TAB2: variants seen among roughly 807,000 people sequenced by gnomAD.
The protein encoded by TAB2 is TGF-beta activated kinase 1 (MAP3K7) binding protein 2.
Under a neutral mutation model 65.0 loss-of-function variants are expected in TAB2, and 3 were observed. The observed-to-expected ratio is 0.05, with a 90% confidence interval of 0.02 to 0.12. The LOEUF (loss-of-function observed/expected upper bound fraction) is 0.12, where lower values mean the gene tolerates loss of function less well. Ranked by LOEUF, TAB2 falls within the 10% of genes least tolerant of loss-of-function variation. The pLI is 1.00. For synonymous variants in TAB2, 298 were observed against 285.1 expected, an observed-to-expected ratio of 1.05 and a Z score of -0.46; for missense variants, 623 against 840.3, an observed-to-expected ratio of 0.74 and a Z score of 3.20.
intron 1 of TAB2, among the ~76,000 whole-genome samples, chr6:149,310,198 T>C (rs1779144984): frequency 1.3e-5 from 2 of 152,058 alleles, no homozygotes; most frequent in South Asian, 4.1e-4. Context: ...TAGCCAGGCC[T>C]GATAGCATGC....
chr6:149,312,603 T>G (rs1779184181), intron 1 of TAB2, among the ~76,000 whole-genome samples: 1 of 152,216 alleles, frequency 6.6e-6, no homozygotes, highest in Non-Finnish European at 1.5e-5. Flanking sequence ...CCTTAAGTGA[T>G]CCACCTGCCT....
chr6:149,404,409 T>G (rs1782591446), intron 6 of TAB2, among the ~76,000 whole-genome samples: 1 of 152,132 alleles, frequency 6.6e-6, no homozygotes, highest in South Asian at 2.1e-4. Context: ...AAAATACCAG[T>G]GACATCCTTT....
chr6:149,260,462 A>G (rs887592607), intron 1 of TAB2, among the ~76,000 whole-genome samples: 2 of 152,168 alleles, frequency 1.3e-5, no homozygotes, highest in African/African-American at 2.4e-5. Context: ...ATCACTCCTT[A>G]TACGTATTGC....
intron 1 of TAB2, among the ~76,000 whole-genome samples, chr6:149,222,995 C>T (rs1777185391): frequency 6.6e-6 from 1 of 152,068 alleles, no homozygotes; most frequent in South Asian, 2.1e-4. Context: ...TGATAACTGC[C>T]CCCTTCTATT....
At chr6:149,306,251 C>A (rs1476806118) in intron 1 of TAB2, among the ~76,000 whole-genome samples, 1 of 151,812 alleles carries the variant, frequency 6.6e-6, no homozygotes, top group Non-Finnish European at 1.5e-5. Flanking sequence ...ACTAAAAATA[C>A]AAAAATTGGC....
chr6:149,309,403 C>CTTTTTTTTT (rs565648269), intron 1 of TAB2, among the ~76,000 whole-genome samples: 5 of 141,168 alleles, frequency 3.5e-5, no homozygotes, highest in African/African-American at 1.3e-4. Flanking sequence ...AATAATTCCT[C>CTTTTTTTTT]TTTTTTTTTT....
chr6:149,391,322 GT>G (rs1359202455), intron 3 of TAB2, among the ~76,000 whole-genome samples: 1 of 151,510 alleles, frequency 6.6e-6, no homozygotes, highest in African/African-American at 2.4e-5. Flanking sequence ...TGGTGTAGGG[GT>G]TTTTTTTAAT....
rs576462998 is a variant in TAB2 at position 149,410,041 on chromosome 6, C to T, written c.*322C>T. On this transcript the variant is annotated 3_prime_UTR_variant, in exon 7 of 7. Coordinates refer to ENST00000637181, the MANE Select transcript of TAB2 (RefSeq NM_001292034.3). ...TAGGTGTTCCCAATACCTTTTTCCC[C>T]TCATGTCACTACTGAATTTTGACAG... The T allele has an allele frequency of 1.4e-5, 5 of 353,888 alleles. No individual in the cohort carries two copies. The Middle Eastern group carries it at 2.6e-3, about 182-fold the overall frequency. 21.9% of individuals were successfully genotyped at this position (353,888 alleles called of 1,614,324 possible).
At chr6:149,364,467 G>T (rs899613686) in intron 1 of TAB2, among the ~76,000 whole-genome samples, 1 of 152,026 alleles carries the variant, frequency 6.6e-6, no homozygotes, top group South Asian at 2.1e-4. Context: ...GCAGCAGACC[G>T]AGTGCAGAAG....
intron 6 of TAB2, among the ~76,000 whole-genome samples, chr6:149,409,073 A>C (rs1301649266): frequency 1.3e-5 from 2 of 152,196 alleles, no homozygotes; most frequent in African/African-American, 4.8e-5. Context: ...AAGACGTTAG[A>C]TACTAGTTTA....
chr6:149,289,516 G>A (rs1053832224), intron 1 of TAB2, among the ~76,000 whole-genome samples: 4 of 152,160 alleles, frequency 2.6e-5, no homozygotes, highest in Non-Finnish European at 5.9e-5. Flanking sequence ...AAGCTCAACA[G>A]GTGTTTCCCA....
intron 1 of TAB2, among the ~76,000 whole-genome samples, chr6:149,258,185 G>A (rs963914113): frequency 1.3e-5 from 2 of 152,254 alleles, no homozygotes; most frequent in Non-Finnish European, 2.9e-5. Context: ...CACATGAACC[G>A]AAGGCAGTGA....
intron 1 of TAB2, among the ~76,000 whole-genome samples, chr6:149,232,628 C>T (rs1489382796): frequency 6.6e-6 from 1 of 152,186 alleles, no homozygotes; most frequent in African/African-American, 2.4e-5. Context: ...GAGGCTATGC[C>T]TTGTTCAAAC....
chr6:149,348,020 G>A (rs1193838171), intron 1 of TAB2, among the ~76,000 whole-genome samples: 2 of 152,130 alleles, frequency 1.3e-5, no homozygotes, highest in South Asian at 4.1e-4. Flanking sequence ...TCTTTCTGTG[G>A]TAAAGGTACT....
At chr6:149,343,110 C>CA (rs953943187) in intron 1 of TAB2, among the ~76,000 whole-genome samples, 4 of 151,382 alleles carry the variant, frequency 2.6e-5, no homozygotes, top group African/African-American at 9.7e-5. Context: ...ATAAACATAC[C>CA]AAAAAAAATT....
At position 149,339,974 on chromosome 6, in the gene TAB2, T is replaced by C. The variant is rs188439633; in HGVS notation, c.-90+21959T>C. On this transcript the variant is annotated intron_variant, in intron 1 of 6. Transcript: ENST00000637181. The stretch of plus-strand genomic sequence containing the variant: ...AGGCATTTACTTTACGATTCATAAG[T>C]AATAATGCTAATTTTTTGTGTTAAA... Among the ~76,000 whole-genome samples the C allele has an allele frequency of 6.7e-3, 1,017 of 152,060 alleles. 9 individuals carry two copies. The highest frequency in any genetic ancestry group is 0.023 in the African/African-American group (971 of 41,486).
intron 1 of TAB2, among the ~76,000 whole-genome samples, chr6:149,361,409 CT>C (rs1186296815): frequency 6.6e-6 from 1 of 152,226 alleles, no homozygotes; most frequent in Non-Finnish European, 1.5e-5. Flanking sequence ...CCGAGTTGTT[CT>C]TGGGGCCCTT....
At chr6:149,328,073 C>G (rs1002948122) in intron 1 of TAB2, among the ~76,000 whole-genome samples, 35 of 152,156 alleles carry the variant, frequency 2.3e-4, no homozygotes, top group African/African-American at 8.2e-4. Flanking sequence ...GAAGTTAGTT[C>G]ATTACCTAGT....
At chr6:149,295,819 C>G in intron 1 of TAB2, among the ~76,000 whole-genome samples, 1 of 152,116 alleles carries the variant, frequency 6.6e-6, no homozygotes, top group South Asian at 2.1e-4. Flanking sequence ...GTTGCTTAGG[C>G]TGGGGTGCAG....
Sources: allele counts gnomAD v4.1 joint callset (sites outside exome capture counted in the v4.1 genomes callset), GRCh38; gene constraint gnomAD v4.1.1; transcripts MANE v1.5; gene names NCBI Gene and HGNC (gene_info 2026-07-23, HGNC 2026-07-21).